The following PDE1B variants were observed in gnomAD, a reference collection of about 807,000 sequenced individuals.
PDE1B encodes phosphodiesterase 1B, also known as dual specificity calcium/calmodulin-dependent 3',5'-cyclic nucleotide phosphodiesterase 1B.
Under a neutral mutation model 66.7 loss-of-function variants are expected in PDE1B, and 13 were observed. That is an observed-to-expected ratio of 0.19 (90% CI 0.13 to 0.31). The LOEUF is 0.31. Among genes scored for constraint, PDE1B ranks in the 10% least tolerant of loss-of-function variants. PDE1B has a pLI of 1.00. For synonymous variants in PDE1B, 230 were observed against 253.9 expected, an observed-to-expected ratio of 0.91 and a Z score of 0.90; for missense variants, 485 against 682.3, an observed-to-expected ratio of 0.71 and a Z score of 3.22.
intron 10 of PDE1B, chr12:54,574,777 C>T: frequency 5.4e-6 from 1 of 184,722 alleles, no homozygotes; most frequent in Non-Finnish European, 1.1e-5. Flanking sequence ...TTGAGACCAG[C>T]CTGGCCAACA....
intron 15 of PDE1B, 172 bp downstream of exon 15, chr12:54,577,517 T>C: frequency 6.3e-7 from 1 of 1,575,236 alleles, no homozygotes. Context: ...AGGGAAATCC[T>C]CCCACGCTCT....
At chr12:54,570,520 C>T (rs1385238645) in intron 6 of PDE1B, 163 bp downstream of exon 6, 3 of 613,334 alleles carry the variant, frequency 4.9e-6, no homozygotes, top group Non-Finnish European at 8.8e-6. Flanking sequence ...CTTTCACTTG[C>T]TGCAGTCTTA....
Position 54,573,900 on chromosome 12 carries a change from TG to T in PDE1B, c.1064+192del, listed in dbSNP as rs1957672382. On this transcript the variant is annotated intron_variant, in intron 10 of 15. Transcript: ENST00000243052. The surrounding 1 kb of genome is among the most constrained non-coding windows in gnomAD (Gnocchi z 5.2). ...GTGTGTGTGTGTGTGTGTGTGTGTG[TG>T]TGTGTGTGTGTCCTTACGTTTACTC... The T allele has an allele frequency of 1.7e-6, 1 of 594,540 alleles. No individual in the cohort carries two copies. The highest frequency in any genetic ancestry group is 3.0e-6 in the Non-Finnish European group (1 of 330,676). 36.8% of individuals were successfully genotyped at this position (594,540 alleles called of 1,614,324 possible). A position where few individuals can be genotyped will look rare whatever the true frequency, so the allele number is the denominator to read the frequency against.
In PDE1B at chr12:54,575,388, C is replaced by T. The variant is rs552861502; in HGVS notation, c.1186-163C>T. On this transcript the variant is annotated intron_variant, in intron 11 of 15. Coordinates refer to ENST00000243052, the MANE Select transcript of PDE1B (RefSeq NM_000924.4). This position sits in a 1 kb window ranked among gnomAD's most constrained non-coding sequence, Gnocchi z 4.0. ...TATCCTAAAAGCCTAACAATAGTTG[C>T]ATTTCATTTGCATATATTTCATTTG... 3.9e-6 allele frequency: 3 copies of T among 773,174 alleles called. No homozygotes were observed. Among genetic ancestry groups the T allele is most frequent in the African/African-American group, 3.4e-5 (2 of 58,584 alleles). The allele number at this position is 773,174 out of a possible 1,614,324, so 47.9% of individuals were successfully genotyped here.
intron 2 of PDE1B, among the ~76,000 whole-genome samples, chr12:54,556,482 G>A (rs1022455051): frequency 2.6e-5 from 4 of 152,162 alleles, no homozygotes; most frequent in Non-Finnish European, 2.9e-5. Context: ...TCCTGCAACT[G>A]CTCCTTTTCC....
At chr12:54,576,209 G>A in intron 13 of PDE1B, 109 bp downstream of exon 13, 1 of 753,120 alleles carries the variant, frequency 1.3e-6, no homozygotes. Context: ...GTGGTGGGGA[G>A]GCAGACTGCT....
At chr12:54,564,772 G>A (rs1957483891) in intron 2 of PDE1B, among the ~76,000 whole-genome samples, 1 of 152,128 alleles carries the variant, frequency 6.6e-6, no homozygotes, top group Non-Finnish European at 1.5e-5. Flanking sequence ...GATGCTGGTG[G>A]GCTACAGACC....
rs1957720806 is a variant in PDE1B, at chr12:54,575,474, C to A, written c.1186-77C>A. On this transcript the variant is annotated intron_variant, in intron 11 of 15. Transcript: ENST00000243052. The surrounding 1 kb of genome is among the most constrained non-coding windows in gnomAD (Gnocchi z 4.0). ...TTCACACAACAACCCCCCACCCCCA[C>A]CACTTGCCACCTGTACCCCAGATCT... 1.4e-5 allele frequency: 14 copies of A among 1,024,502 alleles called. No homozygotes were observed. Among genetic ancestry groups the A allele is most frequent in the Non-Finnish European group, 3.1e-6 (2 of 644,864 alleles). The allele number at this position is 1,024,502 out of a possible 1,614,324, so 63.5% of individuals were successfully genotyped here.
chr12:54,569,604 T>G lies in PDE1B; in HGVS notation c.469T>G (p.Cys157Gly). 1 of 1,611,682 alleles carries G rather than the reference T, an allele frequency of 6.2e-7. No individual in the cohort carries two copies. The highest frequency in any genetic ancestry group is 2.2e-5 in the East Asian group (1 of 44,898). Residue 157 changes from cysteine to glycine, a missense_variant, in exon 5 of 16, where the codon TGT (cysteine) becomes GGT (glycine). Transcript: ENST00000243052. This position sits in a 1 kb window ranked among gnomAD's most constrained non-coding sequence, Gnocchi z 4.4. ...GPTYSTAVLN[C>G]LKNLDLWCFD... Reference sequence around the variant, plus strand: ...CACTTACTCTACTGCGGTTCTCAACTGTCTCAAGGTAATCTCTGGGTTTTT... The same window carrying G: ...CACTTACTCTACTGCGGTTCTCAACGGTCTCAAGGTAATCTCTGGGTTTTT...
chr12:54,558,984 T>C (rs534087962), intron 2 of PDE1B, among the ~76,000 whole-genome samples: 1 of 152,350 alleles, frequency 6.6e-6, no homozygotes, highest in South Asian at 2.1e-4. Flanking sequence ...ACCAGGAAAC[T>C]GAAGCTCAGA....
In PDE1B at chr12:54,575,381, A is replaced by G. The variant is rs1957715902; in HGVS notation, c.1185+163A>G. 1 of 777,912 alleles carries G rather than the reference A, an allele frequency of 1.3e-6. No individual in the cohort carries two copies. 48.2% of individuals were successfully genotyped at this position (777,912 alleles called of 1,614,324 possible). On this transcript the variant is annotated intron_variant, in intron 11 of 15. Transcript: ENST00000243052. The surrounding 1 kb of genome is among the most constrained non-coding windows in gnomAD (Gnocchi z 4.0). ...ACCCCATTATCCTAAAAGCCTAACAATAGTTGCATTTCATTTGCATATATT... is the reference window on the plus strand; with the variant it reads ...ACCCCATTATCCTAAAAGCCTAACAGTAGTTGCATTTCATTTGCATATATT...
intron 2 of PDE1B, among the ~76,000 whole-genome samples, chr12:54,562,427 G>A (rs1211339516): frequency 6.6e-6 from 1 of 152,212 alleles, no homozygotes; most frequent in African/African-American, 2.4e-5. Flanking sequence ...AACGGGCAGG[G>A]ATGGAGTTCG....
chr12:54,576,496 G>T, intron 13 of PDE1B, 75 bp from the exon 14 acceptor site: 1 of 1,572,100 alleles, frequency 6.4e-7, no homozygotes. Flanking sequence ...TCCATGTCCT[G>T]CACTCCCAGG....
chr12:54,573,790 G>C lies in PDE1B; in HGVS notation c.1064+81G>C, dbSNP rs1054759351. 11 of 1,001,544 alleles carry C rather than the reference G, an allele frequency of 1.1e-5. No individual in the cohort carries two copies. In the African/African-American group the frequency reaches 1.3e-4, roughly 11 times the overall value. The allele number at this position is 1,001,544 out of a possible 1,614,324, so 62.0% of individuals were successfully genotyped here. Reference sequence around the variant, plus strand: ...GGGGGGGTATACACAAGGGTAGTTGGTGTGCCAGGTCTTTACCTCGCTGTA... The same window carrying C: ...GGGGGGGTATACACAAGGGTAGTTGCTGTGCCAGGTCTTTACCTCGCTGTA... On this transcript the variant is annotated intron_variant, in intron 10 of 15. Transcript: ENST00000243052. This position sits in a 1 kb window ranked among gnomAD's most constrained non-coding sequence, Gnocchi z 5.2.
At chr12:54,559,859 G>A (rs911018006) in intron 2 of PDE1B, among the ~76,000 whole-genome samples, 1 of 152,184 alleles carries the variant, frequency 6.6e-6, no homozygotes, top group Admixed American at 6.5e-5. Flanking sequence ...TTCAGGCTGT[G>A]TGCTGCCATC....
In PDE1B at chr12:54,577,493, A is replaced by C. The variant is rs371687012; in HGVS notation, c.*17+148A>C. On this transcript the variant is annotated intron_variant, in intron 15 of 15. Transcript: ENST00000243052. ...GAGTGAAGACATAGAATGGAGCCAA[A>C]GTGTGGGTGGAGCAGGGAAATCCTC... 1.9e-5 allele frequency: 30 copies of C among 1,594,806 alleles called. No homozygotes were observed. The African/African-American group carries it at 3.7e-4, about 20-fold the overall frequency.
chr12:54,575,447 AT>A lies in PDE1B; in HGVS notation c.1186-101del. On this transcript the variant is annotated intron_variant, in intron 11 of 15. Transcript: ENST00000243052. The surrounding 1 kb of genome is among the most constrained non-coding windows in gnomAD (Gnocchi z 4.0). ...TAATTTCCAGGTCAACAGTGCAGAAATTTCACACAACAACCCCCCACCCCCA... is the reference window on the plus strand; with the variant it reads ...TAATTTCCAGGTCAACAGTGCAGAAATTCACACAACAACCCCCCACCCCCA... 1 of 854,336 alleles carries A rather than the reference AT, an allele frequency of 1.2e-6. No individual in the cohort carries two copies. Among genetic ancestry groups the A allele is most frequent in the Non-Finnish European group, 2.0e-6 (1 of 498,514 alleles). The allele number at this position is 854,336 out of a possible 1,614,324, so 52.9% of individuals were successfully genotyped here.
chr12:54,558,482 C>A lies in PDE1B; in HGVS notation c.114-8492C>A, dbSNP rs1341791522. Among the ~76,000 whole-genome samples, 6 of 152,198 alleles carry A rather than the reference C, an allele frequency of 3.9e-5. No individual in the cohort carries two copies. In the East Asian group the frequency reaches 9.6e-4, roughly 24 times the overall value. On this transcript the variant is annotated intron_variant, in intron 2 of 15. Coordinates refer to ENST00000243052, the MANE Select transcript of PDE1B (RefSeq NM_000924.4). The stretch of plus-strand genomic sequence containing the variant: ...TTTATCTGTGGAGCCACCCCCGCCA[C>A]AATGCCCAGCCAGCTGCCAGAACTG...
At chr12:54,560,184 C>A (rs1357730167) in intron 2 of PDE1B, among the ~76,000 whole-genome samples, 2 of 152,308 alleles carry the variant, frequency 1.3e-5, no homozygotes, top group Admixed American at 1.3e-4. Flanking sequence ...AAGCCCACTT[C>A]CACTTGTCCC....
Sources: allele counts gnomAD v4.1 joint callset (sites outside exome capture counted in the v4.1 genomes callset), GRCh38; gene constraint gnomAD v4.1.1; non-coding constraint Gnocchi (gnomAD v3.1); transcripts MANE v1.5; gene names NCBI Gene and HGNC (gene_info 2026-07-23, HGNC 2026-07-21).